Variants in PHACTR2 observed in about 807,000 individuals in gnomAD.
PHACTR2 encodes chromosome 6 open reading frame 56.
Under a neutral mutation model 76.0 loss-of-function variants are expected in PHACTR2, and 30 were observed. The ratio of observed to expected loss-of-function variants is 0.39; its 90% CI spans 0.30 to 0.54. The LOEUF is 0.54. PHACTR2 is among the 20% of genes least tolerant of loss of function. PHACTR2 has a pLI of 0.61. For missense variants in PHACTR2, 696 were observed against 781.1 expected, an observed-to-expected ratio of 0.89 and a Z score of 1.30; for synonymous variants, 292 against 292.5, an observed-to-expected ratio of 1.00 and a Z score of 0.02.
rs914398492 is a variant in PHACTR2, at chr6:143,754,060, A to G, written c.454+148A>G. ...AAAAAAGAAAGAAATGATAACTAGT[A>G]AAGTGAAATCGGATGATTTTCTCAG... On this transcript the variant is annotated intron_variant, in intron 4 of 12. Transcript: ENST00000440869. This position sits in a 1 kb window ranked among gnomAD's most constrained non-coding sequence, Gnocchi z 6.2. 4.4e-6 allele frequency: 2 copies of G among 453,646 alleles called. No individual in the cohort carries two copies. Among genetic ancestry groups the G allele is most frequent in the African/African-American group, 4.0e-5 (2 of 49,686 alleles). 28.1% of individuals were successfully genotyped at this position (453,646 alleles called of 1,614,324 possible).
Position 143,827,178 on chromosome 6 carries a change from A to ATATATATATATATATGTATAT in PHACTR2, c.*3504_*3505insGTATATTATATATATATATAT, listed in dbSNP as rs1562322758. 2 of 128,856 alleles carry ATATATATATATATATGTATAT rather than the reference A, an allele frequency of 1.6e-5. No homozygotes were observed. The highest frequency in any genetic ancestry group is 5.8e-5 in the African/African-American group (2 of 34,278). The allele number at this position is 128,856 out of a possible 1,614,324, so 8.0% of individuals were successfully genotyped here. A position where few individuals can be genotyped will look rare whatever the true frequency, so the allele number is the denominator to read the frequency against. On this transcript the variant is annotated 3_prime_UTR_variant, in exon 13 of 13. Coordinates refer to ENST00000440869, the MANE Select transcript of PHACTR2 (RefSeq NM_001100164.2). ...AAAATATATATATATATATATATAT[A>ATATATATATATATATGTATAT]TATATATATATATATATATATGTAT...
chr6:143,640,326 C>A (rs1232060711), intron 1 of PHACTR2, among the ~76,000 whole-genome samples: 3 of 152,114 alleles, frequency 2.0e-5, no homozygotes, highest in Admixed American at 2.0e-4. Flanking sequence ...GTCAGTTCCT[C>A]CAGAAGGTAT....
chr6:143,796,980 C>G (rs1289498991), intron 11 of PHACTR2, among the ~76,000 whole-genome samples: 1 of 152,130 alleles, frequency 6.6e-6, no homozygotes, highest in Non-Finnish European at 1.5e-5. Context: ...CTTGAGGAAT[C>G]GCCACACTGT....
rs34900068 is a variant in PHACTR2 at position 143,659,023 on chromosome 6, C to CAAAA, written c.13+50713_13+50716dup. Among the ~76,000 whole-genome samples the CAAAA allele has an allele frequency of 1.0e-4, 14 of 133,790 alleles. No homozygotes were observed. The highest frequency in any genetic ancestry group is 3.6e-4 in the African/African-American group (13 of 35,938). 87.8% of individuals were successfully genotyped at this position (133,790 alleles called of 152,430 possible). A position where few individuals can be genotyped will look rare whatever the true frequency, so the allele number is the denominator to read the frequency against. On this transcript the variant is annotated intron_variant, in intron 1 of 11. Transcript: ENST00000305766. This position sits in a 1 kb window ranked among gnomAD's most constrained non-coding sequence, Gnocchi z 5.0. ...TGGGCAACAAAGCAAGATTCTGTCT[C>CAAAA]AAAAAAAAAAAAAAAGATAAAAAAT...
intron 1 of PHACTR2, among the ~76,000 whole-genome samples, chr6:143,552,300 A>G (rs533120426): frequency 6.6e-6 from 1 of 152,324 alleles, no homozygotes; most frequent in East Asian, 1.9e-4. Context: ...GGACATCTTC[A>G]GATTGCATCT....
chr6:143,666,052 A>G (rs1451071317), intron 1 of PHACTR2, among the ~76,000 whole-genome samples: 2 of 116,188 alleles, frequency 1.7e-5, no homozygotes. Flanking sequence ...AACAGGCCCC[A>G]GTGTGTGATG....
chr6:143,712,825 T>A (rs892109385), intron 2 of PHACTR2, among the ~76,000 whole-genome samples: 4 of 152,188 alleles, frequency 2.6e-5, no homozygotes, highest in Admixed American at 2.0e-4. Context: ...TGTGAAAATG[T>A]TTGATTGTTA....
rs981040534 is a variant in PHACTR2, at chr6:143,731,412, G to A, written c.215-17573G>A. Among the ~76,000 whole-genome samples, 5 of 151,640 alleles carry A rather than the reference G, an allele frequency of 3.3e-5. No individual in the cohort carries two copies. The highest frequency in any genetic ancestry group is 7.3e-5 in the African/African-American group (3 of 41,296). On this transcript the variant is annotated intron_variant, in intron 2 of 12. Transcript: ENST00000440869. The surrounding 1 kb of genome is among the most constrained non-coding windows in gnomAD (Gnocchi z 4.9). ...AAGTGATTCTCCTGCCTCAGCCTCC[G>A]GAGTAGCTGGGATTATAGGCATGAG... is the stretch of plus-strand genomic sequence containing the variant.
At position 143,585,076 on chromosome 6, in the gene PHACTR2, G is replaced by T. The variant is rs1775612893; in HGVS notation, c.217+47869G>T. 6.6e-6 allele frequency among the ~76,000 whole-genome samples: 1 copy of T among 151,974 alleles called. No individual in the cohort carries two copies. The highest frequency in any genetic ancestry group is 2.4e-5 in the African/African-American group (1 of 41,362). On this transcript the variant is annotated intron_variant, in intron 1 of 11. Transcript: ENST00000367584. This position sits in a 1 kb window ranked among gnomAD's most constrained non-coding sequence, Gnocchi z 5.2. ...TGTTGGGGGACACATGACTATTTAA[G>T]CAGCAATTATGGAGTTGTTGACGGG...
intron 1 of PHACTR2, among the ~76,000 whole-genome samples, chr6:143,649,715 A>G (rs1317883486): frequency 2.6e-5 from 4 of 152,326 alleles, no homozygotes; most frequent in South Asian, 4.1e-4. Context: ...AGCACCATAT[A>G]TGACAAACCC....
rs530762852 is a variant in PHACTR2, at chr6:143,563,669, A to C, written c.217+26462A>C. Among the ~76,000 whole-genome samples, 5 of 152,170 alleles carry C rather than the reference A, an allele frequency of 3.3e-5. No individual in the cohort carries two copies. In the South Asian group the frequency reaches 1.0e-3, roughly 32 times the overall value. ...TATTCTCTTATTTTTCTGCAAAATC[A>C]TCAGCAGCAAGTGCTTTTTCCTAAC... On this transcript the variant is annotated intron_variant, in intron 1 of 11. Coordinates refer to the PHACTR2 transcript ENST00000367584.
intron 9 of PHACTR2, among the ~76,000 whole-genome samples, chr6:143,778,970 G>T (rs1775351167): frequency 6.6e-6 from 1 of 152,220 alleles, no homozygotes; most frequent in South Asian, 2.1e-4. Flanking sequence ...GTTTGGGAAA[G>T]AGTGAGACAC....
intron 11 of PHACTR2, among the ~76,000 whole-genome samples, chr6:143,790,923 C>T (rs749943656): frequency 1.3e-5 from 2 of 152,096 alleles, no homozygotes; most frequent in East Asian, 1.9e-4. Context: ...GTGATCTGCC[C>T]GCCTCGGCCT....
At chr6:143,567,392 A>G (rs1775378759) in intron 1 of PHACTR2, among the ~76,000 whole-genome samples, 1 of 151,800 alleles carries the variant, frequency 6.6e-6, no homozygotes, top group Non-Finnish European at 1.5e-5. Flanking sequence ...TTATTTATTT[A>G]TTTATTTACT....
At chr6:143,759,739 C>T (rs567325019) in intron 4 of PHACTR2, among the ~76,000 whole-genome samples, 1 of 148,012 alleles carries the variant, frequency 6.8e-6, no homozygotes, top group African/African-American at 2.5e-5. Context: ...TATTTTAGAA[C>T]AGGAAGCTGC....
Position 143,708,689 on chromosome 6 carries a change from A to G in PHACTR2, c.47-3327A>G, listed in dbSNP as rs1283185284. Reference sequence around the variant, plus strand: ...AGTTAATATTCTGCCCATACTACTCAAAAGCAGATGACAGTGGTCCTCACA... The same window carrying G: ...AGTTAATATTCTGCCCATACTACTCGAAAGCAGATGACAGTGGTCCTCACA... On this transcript the variant is annotated intron_variant, in intron 1 of 12. Transcript: ENST00000440869. The surrounding 1 kb of genome is among the most constrained non-coding windows in gnomAD (Gnocchi z 5.5). 1.3e-5 allele frequency among the ~76,000 whole-genome samples: 2 copies of G among 152,358 alleles called. No homozygotes were observed. Among genetic ancestry groups the G allele is most frequent in the South Asian group, 2.1e-4 (1 of 4,826 alleles).
chr6:143,544,461 C>T (rs537145834), intron 1 of PHACTR2, among the ~76,000 whole-genome samples: 8 of 148,722 alleles, frequency 5.4e-5, no homozygotes, highest in South Asian at 4.1e-4. Context: ...CACCTGCCAC[C>T]TCCCTATGCT....
intron 1 of PHACTR2, among the ~76,000 whole-genome samples, chr6:143,650,880 T>C (rs1422545536): frequency 6.6e-6 from 1 of 151,990 alleles, no homozygotes; most frequent in Non-Finnish European, 1.5e-5. Flanking sequence ...AAAACTGTCA[T>C]CAGAATGAAC....
At position 143,800,335 on chromosome 6, in the gene PHACTR2, C is replaced by T. The variant is rs1376866468; in HGVS notation, c.1846-6722C>T. Among the ~76,000 whole-genome samples, 1 of 152,126 alleles carries T rather than the reference C, an allele frequency of 6.6e-6. No homozygotes were observed. Among genetic ancestry groups the T allele is most frequent in the East Asian group, 1.9e-4 (1 of 5,194 alleles). On this transcript the variant is annotated intron_variant, in intron 11 of 12. Coordinates refer to ENST00000440869, the MANE Select transcript of PHACTR2 (RefSeq NM_001100164.2). This position sits in a 1 kb window ranked among gnomAD's most constrained non-coding sequence, Gnocchi z 4.8. Reference sequence around the variant, plus strand: ...GGAGTGCAGTGGTGCAATCTCCGCTCACAGCAAGCTCCGCCTCCCAGGGTC... The same window carrying T: ...GGAGTGCAGTGGTGCAATCTCCGCTTACAGCAAGCTCCGCCTCCCAGGGTC...
Sources: gnomAD v4.1 joint callset for allele counts (sites outside exome capture counted in the v4.1 genomes callset) on GRCh38, gnomAD v4.1.1 for gene constraint, Gnocchi (gnomAD v3.1) non-coding constraint, MANE v1.5 for transcripts, NCBI Gene and HGNC (gene_info 2026-07-23, HGNC 2026-07-21) for gene names.